Variants in SDC2 observed in about 807,000 individuals in gnomAD.
The protein encoded by SDC2 is syndecan-2.
Under a neutral mutation model 22.2 loss-of-function variants are expected in SDC2, and 13 were observed. The ratio of observed to expected loss-of-function variants is 0.59; its 90% CI spans 0.38 to 0.93. SDC2 has a LOEUF of 0.93. Among genes scored for constraint, SDC2 ranks in the 40% least tolerant of loss-of-function variants. The pLI, the probability that SDC2 is intolerant of heterozygous loss-of-function variation, is 0.00. For synonymous variants in SDC2, 94 were observed against 92.8 expected, an observed-to-expected ratio of 1.01 and a Z score of -0.07; for missense variants, 235 against 246.8, an observed-to-expected ratio of 0.95 and a Z score of 0.32.
intron 1 of SDC2, among the ~76,000 whole-genome samples, chr8:96,566,929 T>C (rs1254058975): frequency 6.6e-6 from 1 of 152,132 alleles, no homozygotes; most frequent in Non-Finnish European, 1.5e-5. Flanking sequence ...TCTCGGCTCG[T>C]TGCAACCTTT....
At chr8:96,497,628 C>G (rs1813095651) in intron 1 of SDC2, among the ~76,000 whole-genome samples, 1 of 152,134 alleles carries the variant, frequency 6.6e-6, no homozygotes. Flanking sequence ...CCAAAAGCCC[C>G]CAGAGACCTG....
At chr8:96,515,131 C>T (rs1437723573) in intron 1 of SDC2, among the ~76,000 whole-genome samples, 1 of 152,210 alleles carries the variant, frequency 6.6e-6, no homozygotes, top group Admixed American at 6.5e-5. Context: ...CTCAGTTTCC[C>T]TTTTTGTAAA....
intron 1 of SDC2, among the ~76,000 whole-genome samples, chr8:96,570,272 T>C (rs1036707807): frequency 6.6e-6 from 1 of 152,196 alleles, no homozygotes. Context: ...CGATAACTAG[T>C]AGTCTCCAGT....
chr8:96,595,026 C>A (rs1455550551), intron 2 of SDC2, among the ~76,000 whole-genome samples: 1 of 152,108 alleles, frequency 6.6e-6, no homozygotes, highest in Non-Finnish European at 1.5e-5. Flanking sequence ...GGGGACACAG[C>A]CAAACCATAT....
At chr8:96,563,338 A>G (rs1400457742) in intron 1 of SDC2, among the ~76,000 whole-genome samples, 1 of 152,174 alleles carries the variant, frequency 6.6e-6, no homozygotes, top group Non-Finnish European at 1.5e-5. Flanking sequence ...GCTAGCACTC[A>G]GTGTCTTGAA....
At chr8:96,585,724 G>C (rs1350875444) in intron 1 of SDC2, among the ~76,000 whole-genome samples, 1 of 152,090 alleles carries the variant, frequency 6.6e-6, no homozygotes, top group African/African-American at 2.4e-5. Flanking sequence ...AACACTGTAG[G>C]AAGAAAAATT....
chr8:96,535,149 C>T (rs1158525040), intron 1 of SDC2, among the ~76,000 whole-genome samples: 2 of 152,134 alleles, frequency 1.3e-5, no homozygotes, highest in Admixed American at 1.3e-4. Context: ...GCTGGGATTA[C>T]AGGCATGTGC....
chr8:96,514,943 C>T (rs1248857461), intron 1 of SDC2, among the ~76,000 whole-genome samples: 4 of 152,154 alleles, frequency 2.6e-5, no homozygotes, highest in Non-Finnish European at 5.9e-5. Context: ...TAGTCATGAA[C>T]CATTTGTCTC....
At chr8:96,558,696 G>T (rs939723355) in intron 1 of SDC2, among the ~76,000 whole-genome samples, 1 of 152,120 alleles carries the variant, frequency 6.6e-6, no homozygotes, top group African/African-American at 2.4e-5. Flanking sequence ...CATGAGGTCA[G>T]CCCCAAAGAG....
At chr8:96,577,356 G>C (rs766187081) in intron 1 of SDC2, among the ~76,000 whole-genome samples, 21 of 152,178 alleles carry the variant, frequency 1.4e-4, no homozygotes, top group Non-Finnish European at 2.8e-4. Flanking sequence ...GGTCAGGGCA[G>C]AATATATGGA....
chr8:96,535,310 A>G (rs925298489), intron 1 of SDC2, among the ~76,000 whole-genome samples: 20 of 152,284 alleles, frequency 1.3e-4, no homozygotes, highest in African/African-American at 4.8e-4. Flanking sequence ...CCCGGCCCCA[A>G]ATAATTTTTT....
intron 1 of SDC2, among the ~76,000 whole-genome samples, chr8:96,512,999 C>T (rs1813351081): frequency 6.6e-6 from 1 of 151,978 alleles, no homozygotes; most frequent in African/African-American, 2.4e-5. Flanking sequence ...GTTTTTTATA[C>T]TTTATACTTA....
chr8:96,533,236 AC>A (rs1489344017), intron 1 of SDC2, among the ~76,000 whole-genome samples: 1 of 151,996 alleles, frequency 6.6e-6, no homozygotes, highest in Admixed American at 6.6e-5. Context: ...TGGAAGGGGG[AC>A]CCGAGCAGGT....
chr8:96,541,566 A>G (rs1483595263), intron 1 of SDC2, among the ~76,000 whole-genome samples: 1 of 151,372 alleles, frequency 6.6e-6, no homozygotes, highest in East Asian at 1.9e-4. Flanking sequence ...TGAGGACGTT[A>G]TACTAAGTGA....
rs148275390 is a variant in SDC2, at chr8:96,535,066, C to T, written c.60+40735C>T. On this transcript the variant is annotated intron_variant, in intron 1 of 4. Coordinates refer to ENST00000302190, the MANE Select transcript of SDC2 (RefSeq NM_002998.4). Reference sequence around the variant, plus strand: ...TAGCCCAGGCTGGAGTGCAATGGTGCGATCTTGGCTCACTGCAACCTCCGC... The same window carrying T: ...TAGCCCAGGCTGGAGTGCAATGGTGTGATCTTGGCTCACTGCAACCTCCGC... Among the ~76,000 whole-genome samples, 144 of 151,124 alleles carry T rather than the reference C, an allele frequency of 9.5e-4. 2 individuals are homozygous for T. Among genetic ancestry groups the T allele is most frequent in the Middle Eastern group, 3.4e-3 (1 of 292 alleles).
At chr8:96,531,032 T>A (rs1813653076) in intron 1 of SDC2, among the ~76,000 whole-genome samples, 1 of 152,330 alleles carries the variant, frequency 6.6e-6, no homozygotes, top group Non-Finnish European at 1.5e-5. Context: ...CAGCCTAGGC[T>A]GTGTCCAGCT....
At chr8:96,526,217 A>C (rs375211828) in intron 1 of SDC2, among the ~76,000 whole-genome samples, 1 of 151,780 alleles carries the variant, frequency 6.6e-6, no homozygotes, top group East Asian at 1.9e-4. Context: ...TTAGAATTCT[A>C]TGAATATGTA....
At chr8:96,579,549 A>G (rs543109123) in intron 1 of SDC2, among the ~76,000 whole-genome samples, 38 of 152,372 alleles carry the variant, frequency 2.5e-4, no homozygotes, top group African/African-American at 8.9e-4. Context: ...CTATAAACAC[A>G]GGCTTAGAAT....
intron 1 of SDC2, among the ~76,000 whole-genome samples, chr8:96,579,352 G>T (rs1295095710): frequency 1.3e-5 from 2 of 152,352 alleles, no homozygotes; most frequent in Admixed American, 1.3e-4. Flanking sequence ...AAATTGCTTT[G>T]TCTGTGCATT....
Sources: gnomAD v4.1 joint callset for allele counts (sites outside exome capture counted in the v4.1 genomes callset) on GRCh38, gnomAD v4.1.1 for gene constraint, MANE v1.5 for transcripts, NCBI Gene and HGNC (gene_info 2026-07-23, HGNC 2026-07-21) for gene names.